The following NRXN1 variants were observed in gnomAD, a reference collection of about 807,000 sequenced individuals.
NRXN1 encodes the protein neurexin 1.
In NRXN1, 39 loss-of-function variants were observed where a neutral mutation model predicts 150.9. The ratio of observed to expected loss-of-function variants is 0.26; its 90% CI spans 0.20 to 0.34. NRXN1 has a LOEUF of 0.34. NRXN1 is among the 10% of genes least tolerant of loss of function. NRXN1 has a pLI of 1.00. For synonymous variants in NRXN1, 924 were observed against 757.0 expected (o/e 1.22, Z -3.62); for missense variants, 1,815 against 1,949.9 (o/e 0.93, Z 1.30).
At chr2:50,827,516 C>T (rs1159087525) in intron 5 of NRXN1, among the ~76,000 whole-genome samples, 1 of 151,266 alleles carries the variant, frequency 6.6e-6, no homozygotes, top group Non-Finnish European at 1.5e-5. Context: ...AAATGAAGAA[C>T]AAAGTAAACT....
At position 50,475,096 on chromosome 2, in the gene NRXN1, G is replaced by A. The variant is rs190659547; in HGVS notation, c.3071-2625C>T. Among the ~76,000 whole-genome samples, 95 of 152,152 alleles carry A rather than the reference G, an allele frequency of 6.2e-4. 1 individual carries two copies. The highest frequency in any genetic ancestry group is 2.3e-3 in the African/African-American group (94 of 41,538). On this transcript the variant is annotated intron_variant, in intron 15 of 22. Transcript: ENST00000401669. ...GAAATACTACCTACTCCTTTCATTT[G>A]TTGAACAAAATTTGTTAGAAAATTT... is the stretch of plus-strand genomic sequence containing the variant.
intron 18 of NRXN1, among the ~76,000 whole-genome samples, chr2:50,122,934 T>G (rs551089926): frequency 2.0e-5 from 3 of 152,334 alleles, no homozygotes; most frequent in Non-Finnish European, 4.4e-5. Context: ...TTGGTTTCAT[T>G]GAATCTTTCC....
At chr2:50,610,642 CATATATATATATATAT>C (rs71404969) in intron 8 of NRXN1, among the ~76,000 whole-genome samples, 1,437 of 42,892 alleles carry the variant, frequency 0.034, 99 homozygotes, top group Middle Eastern at 0.15. Flanking sequence ...TAAATAGATA[CATATATATATATATAT>C]ATATATATAT....
At chr2:49,956,221 C>T (rs561042077) in intron 21 of NRXN1, among the ~76,000 whole-genome samples, 1 of 152,080 alleles carries the variant, frequency 6.6e-6, no homozygotes, top group Non-Finnish European at 1.5e-5. Context: ...TCCAACACTA[C>T]CCCATCATGC....
intron 5 of NRXN1, among the ~76,000 whole-genome samples, chr2:50,901,041 T>G (rs1293197328): frequency 6.6e-6 from 1 of 152,200 alleles, no homozygotes; most frequent in East Asian, 1.9e-4. Context: ...ACTGATTTTT[T>G]TCTCTATAGA....
rs57765606 is a variant in NRXN1 at position 50,439,816 on chromosome 2, CAAAA to C, written c.3364+25622_3364+25625del. On this transcript the variant is annotated intron_variant, in intron 17 of 22. Coordinates refer to ENST00000401669, the MANE Select transcript of NRXN1 (RefSeq NM_001330078.2). ...TGGGCAACAGAGTGAGACTCTGTCT[CAAAA>C]AAAAAAAAAAGAAAAGAAAGATTAC... Among the ~76,000 whole-genome samples, 29 of 126,206 alleles carry C rather than the reference CAAAA, an allele frequency of 2.3e-4. No homozygotes were observed. In the East Asian group the frequency reaches 5.8e-3, roughly 25 times the overall value. 82.8% of individuals were successfully genotyped at this position (126,206 alleles called of 152,430 possible). A position where few individuals can be genotyped will look rare whatever the true frequency, so the allele number is the denominator to read the frequency against.
intron 5 of NRXN1, among the ~76,000 whole-genome samples, chr2:50,904,329 C>T (rs993349414): frequency 1.3e-5 from 2 of 151,920 alleles, no homozygotes; most frequent in African/African-American, 4.8e-5. Context: ...TGCAGCCCCA[C>T]TCTCTTTCTA....
intron 2 of NRXN1, among the ~76,000 whole-genome samples, chr2:51,018,671 A>C (rs1669118745): frequency 6.6e-6 from 1 of 152,018 alleles, no homozygotes; most frequent in South Asian, 2.1e-4. Context: ...AGCAACTCTC[A>C]TTATTTATGT....
At chr2:50,820,202 T>C (rs988332723) in intron 5 of NRXN1, among the ~76,000 whole-genome samples, 6 of 152,158 alleles carry the variant, frequency 3.9e-5, no homozygotes, top group Admixed American at 2.0e-4. Context: ...CCTGTATTAA[T>C]TCCTATTGAA....
intron 5 of NRXN1, among the ~76,000 whole-genome samples, chr2:50,695,426 C>G (rs959446897): frequency 1.3e-5 from 2 of 152,108 alleles, no homozygotes; most frequent in Non-Finnish European, 2.9e-5. Flanking sequence ...TCATATGCTC[C>G]AGGTAGCCCT....
At chr2:50,002,644 T>C (rs1047175371) in intron 21 of NRXN1, among the ~76,000 whole-genome samples, 1 of 152,132 alleles carries the variant, frequency 6.6e-6, no homozygotes, top group Admixed American at 6.6e-5. Flanking sequence ...ACTAATCTTA[T>C]GTATTACTGG....
At chr2:50,592,566 G>C (rs185342480) in intron 8 of NRXN1, among the ~76,000 whole-genome samples, 11 of 152,202 alleles carry the variant, frequency 7.2e-5, no homozygotes, top group African/African-American at 2.4e-4. Flanking sequence ...TTTTGGAACA[G>C]AGCTTGCTCT....
At chr2:49,987,281 T>C (rs945296974) in intron 21 of NRXN1, among the ~76,000 whole-genome samples, 2 of 152,150 alleles carry the variant, frequency 1.3e-5, no homozygotes, top group African/African-American at 4.8e-5. Flanking sequence ...AATTTTAGTA[T>C]TATTTTGAAA....
At chr2:49,954,978 A>G (rs555588692) in intron 21 of NRXN1, among the ~76,000 whole-genome samples, 161 of 152,328 alleles carry the variant, frequency 1.1e-3, no homozygotes, top group African/African-American at 3.8e-3. Flanking sequence ...CATTTGCGTG[A>G]ATAAAAGGAT....
chr2:50,328,760 G>A (rs1260926590), intron 17 of NRXN1, among the ~76,000 whole-genome samples: 1 of 151,914 alleles, frequency 6.6e-6, no homozygotes, highest in Non-Finnish European at 1.5e-5. Flanking sequence ...AAAAAGAATT[G>A]GAAACTTTTC....
chr2:50,941,167 A>G (rs1689382804), intron 2 of NRXN1, among the ~76,000 whole-genome samples: 1 of 151,776 alleles, frequency 6.6e-6, no homozygotes, highest in South Asian at 2.1e-4. Context: ...ACTTTCCACT[A>G]TGATTTTAAG....
chr2:50,362,020 G>C (rs1274295592), intron 17 of NRXN1, among the ~76,000 whole-genome samples: 1 of 152,142 alleles, frequency 6.6e-6, no homozygotes, highest in African/African-American at 2.4e-5. Context: ...CTCAATAGAT[G>C]CAGAAAAGGC....
intron 2 of NRXN1, among the ~76,000 whole-genome samples, chr2:50,984,439 A>G (rs1253212916): frequency 6.6e-6 from 1 of 152,048 alleles, no homozygotes; most frequent in African/African-American, 2.4e-5. Flanking sequence ...TCCATTACCG[A>G]AAAAGTTTGC....
chr2:50,210,061 T>G (rs776047008), intron 18 of NRXN1, among the ~76,000 whole-genome samples: 15 of 152,072 alleles, frequency 9.9e-5, no homozygotes, highest in Non-Finnish European at 1.8e-4. Context: ...AATATTATCA[T>G]TTACAGGCAA....
Sources: gnomAD v4.1 joint callset for allele counts (sites outside exome capture counted in the v4.1 genomes callset) on GRCh38, gnomAD v4.1.1 for gene constraint, MANE v1.5 for transcripts, NCBI Gene and HGNC (gene_info 2026-07-23, HGNC 2026-07-21) for gene names.